Variants in DNAH3 observed in about 807,000 individuals in gnomAD.
The protein encoded by DNAH3 is dynein axonemal heavy chain 3, also known as axonemal beta dynein heavy chain 3.
DNAH3 carries 332 observed loss-of-function variants against 432.5 expected under a neutral mutation model. The ratio of observed to expected loss-of-function variants is 0.77; its 90% CI spans 0.70 to 0.84. The LOEUF (loss-of-function observed/expected upper bound fraction) is 0.84. Among genes scored for constraint, DNAH3 ranks in the 40% least tolerant of loss-of-function variants. The pLI is 0.00. For synonymous variants in DNAH3, 1,956 were observed against 1,900.2 expected (o/e 1.03, Z -0.76); for missense variants, 4,861 against 5,114.0 (o/e 0.95, Z 1.51).
chr16:21,130,914 C>A (rs2092543558), intron 7 of DNAH3, among the ~76,000 whole-genome samples: 1 of 152,144 alleles, frequency 6.6e-6, no homozygotes, highest in African/African-American at 2.4e-5. Flanking sequence ...AGCTCATAAA[C>A]ACGCTTGTAC....
intron 57 of DNAH3, among the ~76,000 whole-genome samples, chr16:20,946,075 A>G (rs1347465396): frequency 6.6e-6 from 1 of 152,164 alleles, no homozygotes; most frequent in Non-Finnish European, 1.5e-5. Flanking sequence ...TTTAACCTGA[A>G]AGCCTGGTTC....
exon 48 of DNAH3, chr16:20,985,262 T>C: frequency 6.2e-7 from 1 of 1,614,196 alleles, no homozygotes; most frequent in Non-Finnish European, 8.5e-7. Flanking sequence ...TTGATCTGGT[T>C]GTCGGCGAAG....
Position 21,007,837 on chromosome 16 carries a change from A to T in DNAH3, c.6023-4630T>A, listed in dbSNP as rs186081306. ...TAAGAGTTTTATAGTTTTAGCTTTT[A>T]CATTTAAGTCTTTGACCTATTTTGA... is the stretch of plus-strand genomic sequence containing the variant. On this transcript the variant is annotated intron_variant, in intron 41 of 61. Coordinates refer to ENST00000261383, the Ensembl canonical transcript of DNAH3. Among the ~76,000 whole-genome samples the T allele has an allele frequency of 5.8e-3, 884 of 152,332 alleles. 8 individuals carry two copies. Among genetic ancestry groups the T allele is most frequent in the South Asian group, 0.021 (101 of 4,826 alleles).
At chr16:21,033,874 C>A in intron 36 of DNAH3, 100 bp downstream of exon 36, 1 of 738,602 alleles carries the variant, frequency 1.4e-6, no homozygotes, top group East Asian at 2.6e-5. Flanking sequence ...ACGTCACGAT[C>A]GAGGCCTGAC....
At chr16:21,025,767 T>C (rs2088519226) in intron 38 of DNAH3, among the ~76,000 whole-genome samples, 1 of 152,080 alleles carries the variant, frequency 6.6e-6, no homozygotes, top group African/African-American at 2.4e-5. Context: ...GGAGTCTTGT[T>C]CTGTCGCCCA....
intron 42 of DNAH3, among the ~76,000 whole-genome samples, chr16:21,002,435 T>C (rs1315654290): frequency 7.9e-6 from 1 of 126,084 alleles, no homozygotes; most frequent in African/African-American, 3.2e-5. Context: ...CTGATGACTA[T>C]CTGGTGTTGT....
chr16:21,155,019 G>C (rs921316075), intron 1 of DNAH3, among the ~76,000 whole-genome samples: 2 of 147,286 alleles, frequency 1.4e-5, no homozygotes, highest in African/African-American at 5.0e-5. Flanking sequence ...GTATGATCTC[G>C]GCTCACTGTA....
chr16:21,145,976 G>A lies in DNAH3; in HGVS notation c.222+8C>T, dbSNP rs146113453. On this transcript the variant is annotated splice_region_variant and intron_variant, in intron 2 of 61. Transcript: ENST00000261383. Reference sequence around the variant, plus strand: ...TCAACAGAAGAGCTGGCAGCCAGGTGTGCATACCTGATAGAGTCCAGACGG... The same window carrying A: ...TCAACAGAAGAGCTGGCAGCCAGGTATGCATACCTGATAGAGTCCAGACGG... 10,924 of 1,572,652 alleles carry A rather than the reference G, an allele frequency of 6.9e-3. 46 individuals are homozygous for A. Among genetic ancestry groups the A allele is most frequent in the Non-Finnish European group, 8.4e-3 (9,543 of 1,142,142 alleles).
intron 2 of DNAH3, 105 bp downstream of exon 3, chr16:21,145,879 T>C: frequency 1.3e-6 from 1 of 771,958 alleles, no homozygotes; most frequent in Non-Finnish European, 2.3e-6. Flanking sequence ...TCAGGTCTGT[T>C]TGACTCTCCA....
At chr16:21,142,026 C>G (rs191472690) in intron 3 of DNAH3, among the ~76,000 whole-genome samples, 35 of 151,818 alleles carry the variant, frequency 2.3e-4, no homozygotes, top group Admixed American at 7.2e-4. Context: ...GCACTCCATA[C>G]TGGGCGACAG....
chr16:21,138,971 T>C (rs1023201634), intron 5 of DNAH3, among the ~76,000 whole-genome samples: 2 of 152,164 alleles, frequency 1.3e-5, no homozygotes, highest in East Asian at 3.8e-4. Context: ...GGGTCTCAAG[T>C]GGGGTCAAGT....
intron 1 of DNAH3, among the ~76,000 whole-genome samples, chr16:21,153,758 A>G (rs752114459): frequency 1.6e-4 from 25 of 152,104 alleles, no homozygotes; most frequent in Non-Finnish European, 2.9e-4. Flanking sequence ...TAAGAGCTGT[A>G]ACACTCACCG....
chr16:21,051,644 T>A, intron 29 of DNAH3, 26 bp downstream of exon 29: 3 of 1,610,636 alleles, frequency 1.9e-6, no homozygotes, highest in Non-Finnish European at 2.5e-6. Context: ...CGTTCACCCC[T>A]CAGATCTAGG....
exon 7 of DNAH3, chr16:21,134,348 A>G (rs2152823353): frequency 6.2e-7 from 1 of 1,614,110 alleles, no homozygotes; most frequent in Non-Finnish European, 8.5e-7. Flanking sequence ...TCCTGTAGAC[A>G]CTGTGCCAGG....
At position 21,154,006 on chromosome 16, in the gene DNAH3, G is replaced by C. The variant is rs567071544; in HGVS notation, c.117+5319C>G. ...AATAATTGAGACAGTGGGAGAGCTGGAGACTCTGGTTTAGACGGAAATGGG... is the reference window on the plus strand; with the variant it reads ...AATAATTGAGACAGTGGGAGAGCTGCAGACTCTGGTTTAGACGGAAATGGG... On this transcript the variant is annotated intron_variant, in intron 1 of 61. Coordinates refer to ENST00000261383, the Ensembl canonical transcript of DNAH3. Among the ~76,000 whole-genome samples the C allele has an allele frequency of 2.0e-5, 3 of 152,340 alleles. No homozygotes were observed. In the South Asian group the frequency reaches 6.2e-4, roughly 32 times the overall value.
At chr16:21,148,781 T>C (rs569044437) in intron 1 of DNAH3, among the ~76,000 whole-genome samples, 1 of 152,196 alleles carries the variant, frequency 6.6e-6, no homozygotes, top group Non-Finnish European at 1.5e-5. Flanking sequence ...CAGGAACACA[T>C]GGGGCACACA....
At chr16:21,132,369 G>A (rs1390126185) in intron 7 of DNAH3, among the ~76,000 whole-genome samples, 1 of 152,174 alleles carries the variant, frequency 6.6e-6, no homozygotes, top group African/African-American at 2.4e-5. Flanking sequence ...AAACTCAGAT[G>A]GGGGCAGCTC....
chr16:21,012,316 G>A (rs1234736946), intron 41 of DNAH3, among the ~76,000 whole-genome samples: 2 of 151,854 alleles, frequency 1.3e-5, no homozygotes, highest in Non-Finnish European at 2.9e-5. Context: ...AAACAAAAGA[G>A]GACACAGTCT....
chr16:21,106,190 A>C lies in DNAH3; in HGVS notation c.2284+300T>G, dbSNP rs1008034470. On this transcript the variant is annotated intron_variant, in intron 15 of 61. Coordinates refer to ENST00000261383, the Ensembl canonical transcript of DNAH3. ...CGAGACTCCATCTAAAAAAAAAAAA[A>C]AAAAAAAAAGAACTGGAGGTCAAGT... Among the ~76,000 whole-genome samples, 17 of 151,612 alleles carry C rather than the reference A, an allele frequency of 1.1e-4. No homozygotes were observed. In the East Asian group the frequency reaches 3.1e-3, roughly 28 times the overall value.
Sources: allele counts gnomAD v4.1 joint callset (sites outside exome capture counted in the v4.1 genomes callset), GRCh38; gene constraint gnomAD v4.1.1; transcripts MANE v1.5; gene names NCBI Gene and HGNC (gene_info 2026-07-23, HGNC 2026-07-21).